The following RFX3 variants were observed in gnomAD, a reference collection of about 807,000 sequenced individuals.
RFX3 encodes the protein regulatory factor X3, also known as transcription factor RFX3.
Under a neutral mutation model 98.6 loss-of-function variants are expected in RFX3, and 14 were observed. The observed-to-expected ratio is 0.14, with a 90% CI of 0.09 to 0.22. RFX3 has a LOEUF of 0.22. Among genes scored for constraint, RFX3 ranks in the 10% least tolerant of loss-of-function variants. RFX3 has a pLI of 1.00. For missense variants in RFX3, 639 were observed against 926.9 expected, an observed-to-expected ratio of 0.69 and a Z score of 4.03; for synonymous variants, 383 against 328.4, an observed-to-expected ratio of 1.17 and a Z score of -1.80.
chr9:3,454,673 C>G (rs1396212210), intron 1 of RFX3, among the ~76,000 whole-genome samples: 1 of 152,122 alleles, frequency 6.6e-6, no homozygotes, highest in Non-Finnish European at 1.5e-5. Context: ...AGACTAGGAA[C>G]CACTGAAAAA....
intron 1 of RFX3, among the ~76,000 whole-genome samples, chr9:3,522,406 A>T (rs1818807341): frequency 6.6e-6 from 1 of 152,220 alleles, no homozygotes; most frequent in African/African-American, 2.4e-5. Context: ...ATTTTTAGCC[A>T]AAGGTTCAGC....
At chr9:3,271,977 C>G (rs1265470665) in intron 9 of RFX3, among the ~76,000 whole-genome samples, 1 of 152,106 alleles carries the variant, frequency 6.6e-6, no homozygotes, top group African/African-American at 2.4e-5. Flanking sequence ...TCGGGGGCCT[C>G]ACCTCCTCTT....
At chr9:3,325,786 A>T (rs1387832429) in intron 4 of RFX3, among the ~76,000 whole-genome samples, 1 of 152,170 alleles carries the variant, frequency 6.6e-6, no homozygotes, top group Non-Finnish European at 1.5e-5. Flanking sequence ...TCAAGTGAAA[A>T]GTATGTTCAG....
At chr9:3,321,359 A>G (rs1206893824) in intron 4 of RFX3, among the ~76,000 whole-genome samples, 8 of 152,202 alleles carry the variant, frequency 5.3e-5, no homozygotes, top group Non-Finnish European at 7.3e-5. Flanking sequence ...AAATTTCCAC[A>G]TTGCTCTCCA....
At chr9:3,256,948 G>T in intron 14 of RFX3, 43 bp downstream of exon 14, 1 of 1,515,930 alleles carries the variant, frequency 6.6e-7, no homozygotes, top group South Asian at 1.1e-5. Flanking sequence ...ACACATATTT[G>T]CAGAATATGA....
intron 5 of RFX3, among the ~76,000 whole-genome samples, chr9:3,296,149 ATAAAAG>A (rs1827958657): frequency 6.6e-6 from 1 of 151,974 alleles, no homozygotes; most frequent in African/African-American, 2.4e-5. Context: ...ATTACCTTTT[ATAAAAG>A]TAAAAGCTAG....
chr9:3,288,078 A>G (rs1470989994), intron 7 of RFX3, 53 bp downstream of exon 7: 6 of 1,567,460 alleles, frequency 3.8e-6, no homozygotes, highest in Non-Finnish European at 4.4e-6. Context: ...AGGAGACCCG[A>G]ACAACTAAGA....
Position 3,285,710 on chromosome 9 carries a change from GTTTCAGTACTTCTTTGGTTC to G in RFX3, c.851+2401_851+2420del, listed in dbSNP as rs1826501926. Among the ~76,000 whole-genome samples, 4 of 151,552 alleles carry G rather than the reference GTTTCAGTACTTCTTTGGTTC, an allele frequency of 2.6e-5. No homozygotes were observed. In the South Asian group the frequency reaches 8.3e-4, roughly 32 times the overall value. On this transcript the variant is annotated intron_variant, in intron 7 of 16. Transcript: ENST00000617270. ...AAAAAAACACAACAAATTAAAGGAA[GTTTCAGTACTTCTTTGGTTC>G]TTTCACATTCCTGTTTCGTAAGAAA...
intron 15 of RFX3, chr9:3,247,016 T>G (rs1016767481): frequency 1.1e-6 from 1 of 929,252 alleles, no homozygotes; most frequent in African/African-American, 1.8e-5. Flanking sequence ...TATATTAAAC[T>G]AGGAAAAGCA....
Position 3,398,130 on chromosome 9 carries a change from A to AAC in RFX3, c.-8-2536_-8-2535dup, listed in dbSNP as rs368840876. ...TATTTAAATGTAGTACTGATCTCCA[A>AAC]ACACACACACACACACAATCTTTGA... is the stretch of plus-strand genomic sequence containing the variant. On this transcript the variant is annotated intron_variant, in intron 1 of 16. Transcript: ENST00000617270. 2.7e-3 allele frequency among the ~76,000 whole-genome samples: 411 copies of AAC among 151,336 alleles called. 1 individual carries two copies. Among genetic ancestry groups the AAC allele is most frequent in the African/African-American group, 9.0e-3 (371 of 41,368 alleles).
chr9:3,367,428 G>T (rs773996217), intron 2 of RFX3, among the ~76,000 whole-genome samples: 1 of 152,186 alleles, frequency 6.6e-6, no homozygotes, highest in Non-Finnish European at 1.5e-5. Flanking sequence ...AAAGCCCCAT[G>T]TGACAGACAC....
rs879678128 is a variant in RFX3 at position 3,369,758 on chromosome 9, T to A, written c.118-22994A>T. ...ATGACTAAAGAAATGGATCACAAATTGCTGATGACTAATTTGGGGCTCAAT... is the reference window on the plus strand; with the variant it reads ...ATGACTAAAGAAATGGATCACAAATAGCTGATGACTAATTTGGGGCTCAAT... On this transcript the variant is annotated intron_variant, in intron 2 of 16. Transcript: ENST00000617270. 1.3e-5 allele frequency among the ~76,000 whole-genome samples: 2 copies of A among 152,212 alleles called. 1 individual carries two copies. The highest frequency in any genetic ancestry group is 4.8e-5 in the African/African-American group (2 of 41,470).
intron 1 of RFX3, among the ~76,000 whole-genome samples, chr9:3,487,316 A>G (rs1316549475): frequency 6.6e-6 from 1 of 152,228 alleles, no homozygotes; most frequent in East Asian, 1.9e-4. Flanking sequence ...TAAGCCCAAG[A>G]CATGCTATGT....
In RFX3 at chr9:3,223,610, A is replaced by G. The variant is rs1387904180; in HGVS notation, c.*1432T>C. 1 of 152,212 alleles carries G rather than the reference A, an allele frequency of 6.6e-6. No homozygotes were observed. Among genetic ancestry groups the G allele is most frequent in the Non-Finnish European group, 1.5e-5 (1 of 68,040 alleles). The allele number at this position is 152,212 out of a possible 1,614,324, so 9.4% of individuals were successfully genotyped here. A position where few individuals can be genotyped will look rare whatever the true frequency, so the allele number is the denominator to read the frequency against. On this transcript the variant is annotated 3_prime_UTR_variant, in exon 17 of 17. Coordinates refer to ENST00000617270, the MANE Select transcript of RFX3 (RefSeq NM_001282116.2). ...TAATATTCAGCTCTAAGAATAAAAA[A>G]TAGATCCACGGTCACTCAAAGAGGG...
chr9:3,311,369 T>C (rs1004587472), intron 4 of RFX3, among the ~76,000 whole-genome samples: 2 of 152,212 alleles, frequency 1.3e-5, no homozygotes, highest in African/African-American at 2.4e-5. Context: ...GGAATTGTGA[T>C]GGCTGGCATC....
rs376831574 is a variant in RFX3, at chr9:3,247,898, C to T, written c.1968+134G>A. The T allele has an allele frequency of 1.7e-5, 27 of 1,610,844 alleles. No homozygotes were observed. The African/African-American group carries it at 3.3e-4, about 20-fold the overall frequency. On this transcript the variant is annotated intron_variant, in intron 15 of 16. Coordinates refer to ENST00000617270, the MANE Select transcript of RFX3 (RefSeq NM_001282116.2). ...AATTTAAGGAACTCTTGCAATAACT[C>T]CACAGTCCCTCCTGGCTCTGAGGCT...
intron 4 of RFX3, among the ~76,000 whole-genome samples, chr9:3,316,122 C>G (rs1402214560): frequency 1.3e-5 from 2 of 152,210 alleles, no homozygotes; most frequent in African/African-American, 4.8e-5. Flanking sequence ...TGCAAAAATC[C>G]TCAATAAAAT....
chr9:3,395,230 C>A (rs910976934), intron 2 of RFX3, among the ~76,000 whole-genome samples: 1 of 152,194 alleles, frequency 6.6e-6, no homozygotes, highest in African/African-American at 2.4e-5. Flanking sequence ...GGAGTCAAGA[C>A]AGGCTGTTTG....
chr9:3,312,816 G>C (rs1187017897), intron 4 of RFX3, among the ~76,000 whole-genome samples: 4 of 152,228 alleles, frequency 2.6e-5, no homozygotes, highest in East Asian at 3.9e-4. Flanking sequence ...GAGGCTGGGA[G>C]AGGGGCGTCC....
Sources: allele counts gnomAD v4.1 joint callset (sites outside exome capture counted in the v4.1 genomes callset), GRCh38; gene constraint gnomAD v4.1.1; transcripts MANE v1.5; gene names NCBI Gene and HGNC (gene_info 2026-07-23, HGNC 2026-07-21).